Variants in OPCML observed in about 807,000 individuals in gnomAD.
The protein encoded by OPCML is opioid-binding protein/cell adhesion molecule.
Under a neutral mutation model 37.8 loss-of-function variants are expected in OPCML, and 13 were observed. That is an observed-to-expected ratio of 0.34 (90% confidence interval 0.22 to 0.55). The LOEUF (loss-of-function observed/expected upper bound fraction) is 0.55. OPCML is among the 20% of genes least tolerant of loss of function. The pLI, the probability that OPCML is intolerant of heterozygous loss-of-function variation, is 0.91. For missense variants in OPCML, 341 were observed against 435.6 expected (o/e 0.78, Z 1.93); for synonymous variants, 176 against 168.8 (o/e 1.04, Z -0.33).
intron 1 of OPCML, among the ~76,000 whole-genome samples, chr11:133,428,147 T>C (rs1314834078): frequency 6.6e-6 from 1 of 152,182 alleles, no homozygotes; most frequent in East Asian, 1.9e-4. Flanking sequence ...TATTGGAAAA[T>C]CTATTAATCA....
chr11:132,745,420 G>A (rs1199670850), intron 2 of OPCML, among the ~76,000 whole-genome samples: 1 of 152,096 alleles, frequency 6.6e-6, no homozygotes, highest in Non-Finnish European at 1.5e-5. Flanking sequence ...ATTACCAGAA[G>A]CTCTGGAGCC....
intron 2 of OPCML, among the ~76,000 whole-genome samples, chr11:132,802,329 T>C (rs1938707791): frequency 6.6e-6 from 1 of 152,152 alleles, no homozygotes; most frequent in East Asian, 1.9e-4. Context: ...CTTCTTATTG[T>C]ACTTAACATC....
At chr11:133,044,563 G>A (rs905425757) in intron 1 of OPCML, among the ~76,000 whole-genome samples, 21 of 152,164 alleles carry the variant, frequency 1.4e-4, no homozygotes, top group Admixed American at 9.2e-4. Flanking sequence ...AGAAGAAGCC[G>A]TATTTATTGA....
chr11:132,707,374 G>A (rs1944077532), intron 2 of OPCML, among the ~76,000 whole-genome samples: 1 of 152,172 alleles, frequency 6.6e-6, no homozygotes, highest in Non-Finnish European at 1.5e-5. Context: ...GCTCTAAGCA[G>A]AAACATTAAA....
chr11:133,486,310 A>T (rs1947524524), intron 1 of OPCML, among the ~76,000 whole-genome samples: 1 of 152,162 alleles, frequency 6.6e-6, no homozygotes, highest in Admixed American at 6.5e-5. Context: ...TCAAGTTTCC[A>T]AACTCAACAT....
intron 1 of OPCML, among the ~76,000 whole-genome samples, chr11:132,976,832 C>T (rs1483498923): frequency 2.6e-5 from 4 of 152,142 alleles, no homozygotes; most frequent in African/African-American, 9.7e-5. Flanking sequence ...TCTTATTTGG[C>T]TGCCAAATAT....
At chr11:132,423,550 C>T (rs866287138) in intron 7 of OPCML, among the ~76,000 whole-genome samples, 11 of 152,204 alleles carry the variant, frequency 7.2e-5, no homozygotes, top group Admixed American at 3.9e-4. Flanking sequence ...AGACAAAAGC[C>T]ATGGGCAATG....
chr11:132,905,562 A>G (rs186078016), intron 2 of OPCML, among the ~76,000 whole-genome samples: 8 of 152,180 alleles, frequency 5.3e-5, no homozygotes, highest in African/African-American at 1.9e-4. Flanking sequence ...CAGAGCCCAA[A>G]TTTCACCACC....
At chr11:133,169,313 ATAT>A (rs1423904004) in intron 1 of OPCML, among the ~76,000 whole-genome samples, 1 of 152,184 alleles carries the variant, frequency 6.6e-6, no homozygotes. Flanking sequence ...CTATTTTGTC[ATAT>A]TAGCTCACAA....
chr11:133,384,623 A>G lies in OPCML; in HGVS notation c.61+147641T>C, dbSNP rs187751088. Among the ~76,000 whole-genome samples the G allele has an allele frequency of 1.3e-3, 204 of 152,282 alleles. 1 individual carries two copies. Among genetic ancestry groups the G allele is most frequent in the African/African-American group, 4.3e-3 (177 of 41,552 alleles). ...ATCCTAGCTCTTGTCGCTTGTCCCCAAAGAAAATCCCAGTGCCTTCTGTGC... is the reference window on the plus strand; with the variant it reads ...ATCCTAGCTCTTGTCGCTTGTCCCCGAAGAAAATCCCAGTGCCTTCTGTGC... On this transcript the variant is annotated intron_variant, in intron 1 of 7. Coordinates refer to ENST00000524381, the MANE Select transcript of OPCML (RefSeq NM_001012393.5).
At chr11:133,473,416 TG>T (rs1947159774) in intron 1 of OPCML, among the ~76,000 whole-genome samples, 1 of 152,220 alleles carries the variant, frequency 6.6e-6, no homozygotes, top group Admixed American at 6.5e-5. Flanking sequence ...ATAGGTTTGC[TG>T]ACTTTAAAGT....
At chr11:133,125,707 G>GTATATATATA (rs1949495067) in intron 1 of OPCML, among the ~76,000 whole-genome samples, 1 of 21,386 alleles carries the variant, frequency 4.7e-5, no homozygotes, top group Non-Finnish European at 9.5e-5. Context: ...TATATATATA[G>GTATATATATA]TGTATATATA....
At chr11:132,575,770 T>C (rs2096449012) in intron 3 of OPCML, among the ~76,000 whole-genome samples, 1 of 152,112 alleles carries the variant, frequency 6.6e-6, no homozygotes, top group Admixed American at 6.5e-5. Flanking sequence ...TATTGCTATT[T>C]AGTGTCCTTT....
intron 1 of OPCML, chr11:133,300,315 C>A (rs1430638140): frequency 6.6e-6 from 1 of 152,182 alleles, no homozygotes; most frequent in East Asian, 1.9e-4. Context: ...TCATGCTTCT[C>A]CCCTGCTGCT....
intron 2 of OPCML, among the ~76,000 whole-genome samples, chr11:132,825,997 T>C (rs1940305052): frequency 6.6e-6 from 1 of 152,310 alleles, no homozygotes. Flanking sequence ...TTTGTATGCT[T>C]TTCCAGACTC....
intron 1 of OPCML, among the ~76,000 whole-genome samples, chr11:133,451,850 A>G (rs1438355965): frequency 2.0e-5 from 3 of 151,388 alleles, no homozygotes; most frequent in Admixed American, 2.0e-4. Context: ...CTAGAAAAAA[A>G]AAATCGGTTT....
intron 4 of OPCML, among the ~76,000 whole-genome samples, chr11:132,518,223 C>A (rs1362362546): frequency 6.6e-6 from 1 of 152,158 alleles, no homozygotes; most frequent in Non-Finnish European, 1.5e-5. Context: ...TGCTCTCCCT[C>A]CCATTGCCCC....
chr11:133,483,551 T>C (rs1029889729), intron 1 of OPCML, among the ~76,000 whole-genome samples: 7 of 151,796 alleles, frequency 4.6e-5, no homozygotes, highest in Non-Finnish European at 1.0e-4. Flanking sequence ...ATTAGATAGA[T>C]AGATAACTAG....
chr11:133,373,851 A>C (rs2136759093), intron 1 of OPCML, among the ~76,000 whole-genome samples: 1 of 152,262 alleles, frequency 6.6e-6, no homozygotes, highest in South Asian at 2.1e-4. Context: ...TGTTTTTAAA[A>C]AGCTTCATAG....
Sources: allele counts gnomAD v4.1 joint callset (sites outside exome capture counted in the v4.1 genomes callset), GRCh38; gene constraint gnomAD v4.1.1; transcripts MANE v1.5; gene names NCBI Gene and HGNC (gene_info 2026-07-23, HGNC 2026-07-21).